Variants in USP12 observed in about 807,000 individuals in gnomAD.
USP12 encodes the protein ubiquitin specific peptidase 12.
USP12 carries 19 observed loss-of-function variants against 45.5 expected under a neutral mutation model. That is an observed-to-expected ratio of 0.42 (90% CI 0.29 to 0.61). The LOEUF (loss-of-function observed/expected upper bound fraction) is 0.61, where lower values mean the gene tolerates loss of function less well. Ranked by LOEUF, USP12 falls within the 20% of genes least tolerant of loss-of-function variation. The pLI, the probability that USP12 is intolerant of heterozygous loss-of-function variation, is 0.22. For synonymous variants in USP12, 149 were observed against 148.8 expected, an observed-to-expected ratio of 1.00 and a Z score of -0.01; for missense variants, 242 against 447.7, an observed-to-expected ratio of 0.54 and a Z score of 4.15.
chr13:27,122,167 C>T (rs1490909142), intron 1 of USP12, among the ~76,000 whole-genome samples: 2 of 152,182 alleles, frequency 1.3e-5, no homozygotes, highest in South Asian at 2.1e-4. Context: ...TGGTTTGGCT[C>T]TGTGTCCCCA....
At chr13:27,077,137 A>G (rs1317153129) in intron 6 of USP12, 1 of 152,248 alleles carries the variant, frequency 6.6e-6, no homozygotes, top group Non-Finnish European at 1.5e-5. Context: ...AATGCTGATG[A>G]AAGTTTCTAG....
At chr13:27,108,951 T>C (rs1424063713) in intron 2 of USP12, among the ~76,000 whole-genome samples, 1 of 152,166 alleles carries the variant, frequency 6.6e-6, no homozygotes, top group African/African-American at 2.4e-5. Flanking sequence ...CAAAAAAAGA[T>C]ACATATGTGT....
rs558920423 is a variant in USP12, at chr13:27,069,028, G to A, written c.*255C>T. On this transcript the variant is annotated 3_prime_UTR_variant, in exon 9 of 9. Transcript: ENST00000282344. ...CAATGACTGGAAGGCTGTTTTAAAA[G>A]AGGAGCTGGTATCTCTGATTTCACC... is the stretch of plus-strand genomic sequence containing the variant. 3 of 477,142 alleles carry A rather than the reference G, an allele frequency of 6.3e-6. No homozygotes were observed. The highest frequency in any genetic ancestry group is 5.9e-5 in the African/African-American group (3 of 50,436). 29.6% of individuals were successfully genotyped at this position (477,142 alleles called of 1,614,324 possible). A position where few individuals can be genotyped will look rare whatever the true frequency, so the allele number is the denominator to read the frequency against.
intron 3 of USP12, among the ~76,000 whole-genome samples, chr13:27,099,194 G>A (rs4769541): frequency 0.72 from 108,884 of 152,156 alleles, 41,309 homozygotes; most frequent in South Asian, 0.91. Context: ...AGGAGCTGGG[G>A]AGGAAGCAGA....
intron 8 of USP12, among the ~76,000 whole-genome samples, chr13:27,070,458 C>T (rs555527821): frequency 6.6e-6 from 1 of 151,210 alleles, no homozygotes; most frequent in Non-Finnish European, 1.5e-5. Flanking sequence ...AAAAATTCAT[C>T]AAATTCAGAT....
chr13:27,094,690 A>C (rs1407683292), intron 4 of USP12, among the ~76,000 whole-genome samples: 3 of 152,154 alleles, frequency 2.0e-5, no homozygotes, highest in Non-Finnish European at 4.4e-5. Context: ...GAAACATCAG[A>C]GAAACTAAAT....
At chr13:27,165,759 G>C (rs1878321439) in intron 1 of USP12, among the ~76,000 whole-genome samples, 1 of 152,112 alleles carries the variant, frequency 6.6e-6, no homozygotes, top group Non-Finnish European at 1.5e-5. Context: ...GAAAATGGTG[G>C]TATCAGTAAC....
At chr13:27,166,513 T>G (rs527671701) in intron 1 of USP12, among the ~76,000 whole-genome samples, 20 of 152,304 alleles carry the variant, frequency 1.3e-4, no homozygotes, top group African/African-American at 4.6e-4. Context: ...TCGCTGCAAC[T>G]GGCCAACATG....
chr13:27,084,748 T>C (rs1025397014), intron 6 of USP12, among the ~76,000 whole-genome samples: 2 of 152,206 alleles, frequency 1.3e-5, no homozygotes, highest in Admixed American at 1.3e-4. Flanking sequence ...CACTGGTCTA[T>C]ATATGTCTTT....
chr13:27,127,267 G>A (rs1288319604), intron 1 of USP12, among the ~76,000 whole-genome samples: 2 of 152,162 alleles, frequency 1.3e-5, no homozygotes, highest in Non-Finnish European at 2.9e-5. Flanking sequence ...CACCATTGTG[G>A]TACACATGGC....
At chr13:27,116,923 T>A (rs950181167) in intron 1 of USP12, among the ~76,000 whole-genome samples, 2 of 152,164 alleles carry the variant, frequency 1.3e-5, no homozygotes, top group Non-Finnish European at 2.9e-5. Flanking sequence ...GTAAGAACGC[T>A]CTGATGTTCG....
chr13:27,084,056 G>C (rs987738477), intron 6 of USP12, among the ~76,000 whole-genome samples: 2 of 151,046 alleles, frequency 1.3e-5, no homozygotes, highest in Non-Finnish European at 2.9e-5. Context: ...GTAGAGACAG[G>C]GTTTCACCAT....
chr13:27,069,449 T>A, intron 8 of USP12, 65 bp from the exon 9 acceptor site: 1 of 1,223,598 alleles, frequency 8.2e-7, no homozygotes, highest in Non-Finnish European at 1.2e-6. Flanking sequence ...GGCTTAAATT[T>A]AAAAGACTGA....
In USP12 at chr13:27,110,337, T is replaced by C. The variant is rs144089775; in HGVS notation, c.130-4393A>G. On this transcript the variant is annotated intron_variant, in intron 2 of 8. Transcript: ENST00000282344. ...TAAAGGACCTAACCAGATAAGTTCA[T>C]AGGGAAGACAGACACTAGGCAGAGC... 4.8e-4 allele frequency among the ~76,000 whole-genome samples: 73 copies of C among 152,268 alleles called. 1 individual carries two copies. The East Asian group carries it at 0.01, about 22-fold the overall frequency.
chr13:27,105,977 T>A (rs780578870), intron 2 of USP12, 33 bp from the exon 3 acceptor site: 11 of 1,556,828 alleles, frequency 7.1e-6, no homozygotes, highest in Non-Finnish European at 8.7e-6. Flanking sequence ...TTGTTAAATT[T>A]AGGGCAACAC....
chr13:27,126,758 A>G (rs914022217), intron 1 of USP12, among the ~76,000 whole-genome samples: 16 of 152,216 alleles, frequency 1.1e-4, no homozygotes, highest in African/African-American at 2.9e-4. Flanking sequence ...TAGAGTTACC[A>G]AAGTTTAAAT....
intron 1 of USP12, chr13:27,170,174 T>A (rs2137854275): frequency 2.5e-6 from 1 of 396,794 alleles, no homozygotes; most frequent in East Asian, 3.6e-5. Context: ...ATCATCCAGT[T>A]GGGAAATGGA....
At chr13:27,086,197 A>ATAT (rs869248837) in intron 6 of USP12, among the ~76,000 whole-genome samples, 20 of 56,928 alleles carry the variant, frequency 3.5e-4, no homozygotes, top group East Asian at 3.1e-3. Flanking sequence ...AAAAAAAAAA[A>ATAT]ATATATATAT....
intron 6 of USP12, among the ~76,000 whole-genome samples, chr13:27,075,903 G>A (rs1030507270): frequency 2.6e-5 from 4 of 151,836 alleles, no homozygotes; most frequent in African/African-American, 4.8e-5. Context: ...AGTGGCAGGC[G>A]CCCATAGTCC....
Sources: allele counts gnomAD v4.1 joint callset (sites outside exome capture counted in the v4.1 genomes callset), GRCh38; gene constraint gnomAD v4.1.1; transcripts MANE v1.5; gene names NCBI Gene and HGNC (gene_info 2026-07-23, HGNC 2026-07-21).